Variants in EEA1 observed in about 807,000 individuals in gnomAD.
The protein encoded by EEA1 is early endosome antigen 1, 162kD.
In EEA1, 111 loss-of-function variants were observed where a neutral mutation model predicts 209.2. The ratio of observed to expected loss-of-function variants is 0.53; its 90% confidence interval spans 0.45 to 0.62. The LOEUF is 0.62. EEA1 is among the 20% of genes least tolerant of loss of function. EEA1 has a pLI of 0.00. For missense variants in EEA1, 1,343 were observed against 1,530.8 expected (o/e 0.88, Z 2.05); for synonymous variants, 536 against 540.6 (o/e 0.99, Z 0.12).
intron 1 of EEA1, among the ~76,000 whole-genome samples, chr12:92,916,971 AT>A (rs1042416411): frequency 5.3e-5 from 8 of 151,790 alleles, no homozygotes; most frequent in African/African-American, 1.9e-4. Context: ...AGCCGACGCG[AT>A]CAACTGGAAG....
Position 92,774,873 on chromosome 12 carries a change from C to G in EEA1, c.*1138G>C, listed in dbSNP as rs1873590034. 1 of 151,712 alleles carries G rather than the reference C, an allele frequency of 6.6e-6. No individual in the cohort carries two copies. Among genetic ancestry groups the G allele is most frequent in the Admixed American group, 6.6e-5 (1 of 15,210 alleles). 9.4% of individuals were successfully genotyped at this position (151,712 alleles called of 1,614,324 possible). ...TTTTACAACTTTTAAAAATTCTTCC[C>G]AATAGGGTAAGAAATAGAAAGTAAA... On this transcript the variant is annotated 3_prime_UTR_variant, in exon 29 of 29. Transcript: ENST00000322349.
intron 2 of EEA1, among the ~76,000 whole-genome samples, chr12:92,888,937 G>T (rs969604116): frequency 6.6e-6 from 1 of 152,046 alleles, no homozygotes; most frequent in African/African-American, 2.4e-5. Context: ...ATCACTTGAG[G>T]TCAGAAGTTC....
chr12:92,851,346 A>G, intron 8 of EEA1, 80 bp from the exon 9 acceptor site: 1 of 1,316,088 alleles, frequency 7.6e-7, no homozygotes, highest in Non-Finnish European at 1.0e-6. Flanking sequence ...TTCACTACAA[A>G]GGAATCAAAA....
chr12:92,780,428 T>C lies in EEA1; in HGVS notation c.3337-17A>G. On this transcript the variant is annotated splice_polypyrimidine_tract_variant and intron_variant, in intron 23 of 28. Coordinates refer to ENST00000322349, the MANE Select transcript of EEA1 (RefSeq NM_003566.4). ...TTTCAGTGACTGTAGAAAAATGATA[T>C]ATTTTAAAATTATTTTAAAGCAAAT... The C allele has an allele frequency of 2.8e-6, 4 of 1,437,776 alleles. No homozygotes were observed. The highest frequency in any genetic ancestry group is 3.8e-6 in the Non-Finnish European group (4 of 1,066,536). The allele number at this position is 1,437,776 out of a possible 1,614,324, so 89.1% of individuals were successfully genotyped here.
At chr12:92,895,133 A>ATTTTTTTTTTTTTTT (rs537064468) in intron 1 of EEA1, among the ~76,000 whole-genome samples, 1 of 95,088 alleles carries the variant, frequency 1.1e-5, no homozygotes, top group Non-Finnish European at 2.0e-5. Context: ...GGATCACTGA[A>ATTTTTTTTTTTTTTT]TTTTTTTTTT....
At chr12:92,881,295 C>G (rs1879128175) in intron 2 of EEA1, among the ~76,000 whole-genome samples, 1 of 152,078 alleles carries the variant, frequency 6.6e-6, no homozygotes, top group African/African-American at 2.4e-5. Flanking sequence ...CTATGGTCCC[C>G]AGCTACCTAC....
At chr12:92,922,061 T>G (rs754408208) in intron 1 of EEA1, among the ~76,000 whole-genome samples, 10 of 152,078 alleles carry the variant, frequency 6.6e-5, no homozygotes, top group Non-Finnish European at 1.3e-4. Context: ...ATGACCCAAT[T>G]GTCACATTCA....
chr12:92,806,391 T>C (rs565090407), intron 18 of EEA1, among the ~76,000 whole-genome samples: 3 of 151,974 alleles, frequency 2.0e-5, no homozygotes, highest in Non-Finnish European at 2.9e-5. Context: ...TTAGAGGAAA[T>C]GAACCCATTT....
intron 12 of EEA1, 41 bp downstream of exon 12, chr12:92,827,871 G>A: frequency 6.8e-7 from 1 of 1,463,814 alleles, no homozygotes; most frequent in Non-Finnish European, 9.0e-7. Flanking sequence ...TCATGTTAAA[G>A]ATGCCTCAAG....
At chr12:92,846,499 A>G (rs1469858013) in intron 9 of EEA1, among the ~76,000 whole-genome samples, 1 of 152,176 alleles carries the variant, frequency 6.6e-6, no homozygotes, top group Non-Finnish European at 1.5e-5. Flanking sequence ...AGCACTTAAA[A>G]CTGGGATTCA....
chr12:92,827,875 C>G lies in EEA1; in HGVS notation c.1404+37G>C, dbSNP rs145246492. On this transcript the variant is annotated intron_variant, in intron 12 of 28. Transcript: ENST00000322349. ...ATGAATCATAATCATGTTAAAGATG[C>G]CTCAAGCCTATCAATAAATTGAAAA... 5.7e-4 allele frequency: 853 copies of G among 1,499,640 alleles called. 6 individuals are homozygous for G. In the African/African-American group the frequency reaches 0.011, roughly 20 times the overall value. 92.9% of individuals were successfully genotyped at this position (1,499,640 alleles called of 1,614,324 possible).
chr12:92,892,626 G>A (rs1451596559), intron 1 of EEA1, among the ~76,000 whole-genome samples: 3 of 150,544 alleles, frequency 2.0e-5, no homozygotes, highest in Non-Finnish European at 4.4e-5. Flanking sequence ...CCAGGCTGGA[G>A]CATAGTGGCA....
intron 13 of EEA1, among the ~76,000 whole-genome samples, chr12:92,820,163 T>C (rs1032480884): frequency 6.6e-6 from 1 of 152,188 alleles, no homozygotes; most frequent in African/African-American, 2.4e-5. Context: ...ATCCAAGATA[T>C]CTGACACATG....
In EEA1 at chr12:92,852,281, T is replaced by G. The variant is rs753952553; in HGVS notation, c.536A>C (p.Tyr179Ser). 4.4e-6 allele frequency: 7 copies of G among 1,580,158 alleles called. No homozygotes were observed. In the South Asian group the frequency reaches 7.1e-5, roughly 16 times the overall value. ...TTCTCGAAGACTCCTTTCTTCATCA[T>G]ACTTTGACTTTATATCTAATTAAAG... ...ATEIADIKSK[Y>S]DEERSLREAA... The change falls in exon 8 of 29, where the codon TAT (tyrosine) becomes TCT (serine). Residue 179 changes from tyrosine to serine, a missense_variant. Physicochemically the swap from Tyr to Ser is moderately radical, Grantham distance 144. Transcript: ENST00000322349.
At chr12:92,831,507 T>C (rs987723991) in intron 11 of EEA1, among the ~76,000 whole-genome samples, 8 of 148,204 alleles carry the variant, frequency 5.4e-5, no homozygotes, top group Admixed American at 2.7e-4. Flanking sequence ...TAATATATGA[T>C]ATGAATAATA....
chr12:92,859,533 T>C (rs1164156574), intron 3 of EEA1, among the ~76,000 whole-genome samples: 1 of 152,234 alleles, frequency 6.6e-6, no homozygotes, highest in East Asian at 1.9e-4. Context: ...AACAACACTG[T>C]AGTAAATAAT....
chr12:92,851,363 C>A, intron 8 of EEA1, 97 bp from the exon 9 acceptor site: 1 of 1,189,846 alleles, frequency 8.4e-7, no homozygotes, highest in Non-Finnish European at 1.2e-6. Flanking sequence ...AAAAGGGAAA[C>A]AATCATCAAT....
chr12:92,849,992 T>G (rs998596190), intron 9 of EEA1, among the ~76,000 whole-genome samples: 4 of 152,234 alleles, frequency 2.6e-5, no homozygotes, highest in African/African-American at 9.6e-5. Context: ...TTTAAGCACA[T>G]TTATGTATTA....
chr12:92,882,822 T>C (rs181231011), intron 2 of EEA1, among the ~76,000 whole-genome samples: 5 of 152,332 alleles, frequency 3.3e-5, no homozygotes, highest in South Asian at 2.1e-4. Context: ...CAATCCACCA[T>C]TGATGGGCAC....
Sources: gnomAD v4.1 joint callset for allele counts (sites outside exome capture counted in the v4.1 genomes callset) on GRCh38, gnomAD v4.1.1 for gene constraint, MANE v1.5 for transcripts, NCBI Gene and HGNC (gene_info 2026-07-23, HGNC 2026-07-21) for gene names.